The following VSTM2L variants were observed in gnomAD, a reference collection of about 807,000 sequenced individuals.
The protein encoded by VSTM2L is V-set and transmembrane domain containing 2 like.
Under a neutral mutation model 19.9 loss-of-function variants are expected in VSTM2L, and 9 were observed. That is an observed-to-expected ratio of 0.45 (90% confidence interval 0.27 to 0.79). The LOEUF (loss-of-function observed/expected upper bound fraction) is 0.79. VSTM2L is among the 30% of genes least tolerant of loss of function. The pLI, the probability that VSTM2L is intolerant of heterozygous loss-of-function variation, is 0.15. For synonymous variants in VSTM2L, 127 were observed against 133.8 expected (o/e 0.95, Z 0.35); for missense variants, 286 against 295.5 (o/e 0.97, Z 0.24).
At chr20:37,905,843 G>A (rs2072749146) in intron 1 of VSTM2L, among the ~76,000 whole-genome samples, 1 of 152,342 alleles carries the variant, frequency 6.6e-6, no homozygotes, top group African/African-American at 2.4e-5. Context: ...ATGATAGTGA[G>A]ACGCGGCGAA....
chr20:37,918,913 A>G (rs1380635400), intron 1 of VSTM2L, among the ~76,000 whole-genome samples: 1 of 152,236 alleles, frequency 6.6e-6, no homozygotes, highest in Non-Finnish European at 1.5e-5. Flanking sequence ...TTTGCCCTGC[A>G]TAACCCTGGG....
At chr20:37,925,845 C>T (rs1055019681) in intron 1 of VSTM2L, among the ~76,000 whole-genome samples, 6 of 152,194 alleles carry the variant, frequency 3.9e-5, no homozygotes, top group Non-Finnish European at 7.3e-5. Flanking sequence ...CTCTCCCTGT[C>T]CTCCTACCTG....
intron 1 of VSTM2L, among the ~76,000 whole-genome samples, chr20:37,916,435 C>G (rs2122948619): frequency 6.6e-6 from 1 of 152,370 alleles, no homozygotes; most frequent in African/African-American, 2.4e-5. Context: ...GAAACCTGCT[C>G]AACTCCCACA....
chr20:37,915,346 A>G (rs921854187), intron 1 of VSTM2L, among the ~76,000 whole-genome samples: 1 of 152,116 alleles, frequency 6.6e-6, no homozygotes, highest in Non-Finnish European at 1.5e-5. Flanking sequence ...CTCTGGGAAC[A>G]CTAAGCGCCA....
chr20:37,915,857 C>T (rs2072815629), intron 1 of VSTM2L, among the ~76,000 whole-genome samples: 4 of 152,150 alleles, frequency 2.6e-5, no homozygotes, highest in Admixed American at 1.3e-4. Context: ...TGTTCTGGAA[C>T]ATCCCAAGTG....
chr20:37,938,116 T>TG (rs11481671), intron 3 of VSTM2L, among the ~76,000 whole-genome samples: 2,500 of 151,124 alleles, frequency 0.017, 46 homozygotes, highest in African/African-American at 0.056. Flanking sequence ...GCTGGGGTGA[T>TG]GGCCTGGGTG....
chr20:37,904,631 G>A (rs1479268662), intron 1 of VSTM2L, among the ~76,000 whole-genome samples: 1 of 152,272 alleles, frequency 6.6e-6, no homozygotes, highest in African/African-American at 2.4e-5. Context: ...TGTTGGGGAG[G>A]CTGCAGCCCC....
intron 1 of VSTM2L, among the ~76,000 whole-genome samples, chr20:37,914,360 G>GAGTA (rs2072800149): frequency 6.7e-6 from 1 of 150,094 alleles, no homozygotes. Context: ...TGTGTGGGGT[G>GAGTA]TTTATATATG....
intron 3 of VSTM2L, among the ~76,000 whole-genome samples, chr20:37,943,091 A>G (rs538490081): frequency 6.6e-6 from 1 of 151,754 alleles, no homozygotes; most frequent in Admixed American, 6.6e-5. Flanking sequence ...CCTCAGTCTC[A>G]CGAGTAGCTG....
intron 1 of VSTM2L, among the ~76,000 whole-genome samples, chr20:37,914,082 G>A (rs1000678966): frequency 6.6e-6 from 1 of 152,030 alleles, no homozygotes; most frequent in African/African-American, 2.4e-5. Context: ...ATCCAGGGAG[G>A]GTGGGAACGT....
At chr20:37,918,508 A>T (rs763525021) in intron 1 of VSTM2L, among the ~76,000 whole-genome samples, 1 of 152,246 alleles carries the variant, frequency 6.6e-6, no homozygotes, top group Non-Finnish European at 1.5e-5. Context: ...TTTGGTTTTC[A>T]TAGCGTTTAT....
intron 1 of VSTM2L, among the ~76,000 whole-genome samples, chr20:37,930,432 C>A (rs1483632572): frequency 6.6e-6 from 1 of 151,652 alleles, no homozygotes; most frequent in Non-Finnish European, 1.5e-5. Flanking sequence ...TGTTAGGTTG[C>A]AGCAGCCAGG....
At chr20:37,912,809 A>ATC (rs371356971) in intron 1 of VSTM2L, among the ~76,000 whole-genome samples, 2 of 151,332 alleles carry the variant, frequency 1.3e-5, no homozygotes, top group African/African-American at 2.4e-5. Flanking sequence ...TACTCTCTGG[A>ATC]TCTCTCTCTC....
intron 1 of VSTM2L, among the ~76,000 whole-genome samples, chr20:37,914,489 A>G (rs983831971): frequency 8.1e-4 from 13 of 15,962 alleles, no homozygotes; most frequent in Non-Finnish European, 1.9e-3. Flanking sequence ...GTGTGTGTGT[A>G]TTGTGTGTAT....
At chr20:37,931,953 C>T in intron 2 of VSTM2L, 149 bp downstream of exon 2, 1 of 1,010,782 alleles carries the variant, frequency 9.9e-7, no homozygotes, top group Non-Finnish European at 1.4e-6. Context: ...CTTCTTCCTC[C>T]TGGGGTGGGG....
intron 1 of VSTM2L, among the ~76,000 whole-genome samples, chr20:37,929,117 G>A (rs1476157425): frequency 6.6e-6 from 1 of 152,168 alleles, no homozygotes; most frequent in Non-Finnish European, 1.5e-5. Context: ...GGTGGTCAGG[G>A]CAGGCCTCCC....
intron 1 of VSTM2L, among the ~76,000 whole-genome samples, chr20:37,914,087 G>T (rs1327954675): frequency 6.6e-6 from 1 of 152,044 alleles, no homozygotes. Flanking sequence ...GGGAGGGTGG[G>T]AACGTGGGAT....
In VSTM2L at chr20:37,903,306, G is replaced by A. The variant is rs890045206; in HGVS notation, c.-45G>A. ...GCTGGCGCCGGTTCTGCGGTCTCCG[G>A]GGCCCAGATGTGAGGCGGCGGCGCC... On this transcript the variant is annotated 5_prime_UTR_variant, in exon 1 of 4. Transcript: ENST00000373461. 6 of 1,374,420 alleles carry A rather than the reference G, an allele frequency of 4.4e-6. No individual in the cohort carries two copies. In the African/African-American group the frequency reaches 7.6e-5, roughly 18 times the overall value. 85.1% of individuals were successfully genotyped at this position (1,374,420 alleles called of 1,614,324 possible). A position where few individuals can be genotyped will look rare whatever the true frequency, so the allele number is the denominator to read the frequency against.
Position 37,944,354 on chromosome 20 carries a change from C to A in VSTM2L, c.*101C>A. 7.7e-7 allele frequency: 1 copy of A among 1,295,116 alleles called. No individual in the cohort carries two copies. The highest frequency in any genetic ancestry group is 1.0e-6 in the Non-Finnish European group (1 of 998,316). 80.2% of individuals were successfully genotyped at this position (1,295,116 alleles called of 1,614,324 possible). On this transcript the variant is annotated 3_prime_UTR_variant, in exon 4 of 4. Transcript: ENST00000373461. ...CGACTGCCTGCGTCCAGCCGCGCCC[C>A]ATCCCCGAGGCCGCCTGTGGCCACC...
Sources: gnomAD v4.1 joint callset for allele counts (sites outside exome capture counted in the v4.1 genomes callset) on GRCh38, gnomAD v4.1.1 for gene constraint, MANE v1.5 for transcripts, NCBI Gene and HGNC (gene_info 2026-07-23, HGNC 2026-07-21) for gene names.